Variants in USH2A observed in about 807,000 individuals in gnomAD.
The protein encoded by USH2A is usherin.
A neutral mutation model predicts 538.9 loss-of-function variants in USH2A; 443 were observed. That is an observed-to-expected ratio of 0.82 (90% CI 0.76 to 0.89). USH2A has a LOEUF of 0.89. USH2A is among the 40% of genes least tolerant of loss of function. The pLI, the probability that USH2A is intolerant of heterozygous loss-of-function variation, is 0.00. For missense variants in USH2A, 6,633 were observed against 6,324.8 expected, an observed-to-expected ratio of 1.05 and a Z score of -1.65; for synonymous variants, 2,413 against 2,273.5, an observed-to-expected ratio of 1.06 and a Z score of -1.75.
intron 45 of USH2A, among the ~76,000 whole-genome samples, chr1:215,844,867 T>G (rs1169470139): frequency 2.0e-5 from 3 of 152,166 alleles, no homozygotes; most frequent in African/African-American, 7.2e-5. Context: ...GGAAATAAAA[T>G]TTGCTCCTTG....
At chr1:215,808,002 C>G (rs1662551074) in intron 49 of USH2A, among the ~76,000 whole-genome samples, 1 of 152,112 alleles carries the variant, frequency 6.6e-6, no homozygotes, top group South Asian at 2.1e-4. Flanking sequence ...TAATGAAGGT[C>G]AAACAACTAA....
intron 38 of USH2A, among the ~76,000 whole-genome samples, chr1:215,925,580 A>G (rs1666218216): frequency 6.6e-6 from 1 of 152,148 alleles, no homozygotes; most frequent in Non-Finnish European, 1.5e-5. Flanking sequence ...ATTCCTCACC[A>G]TCCTGTATCT....
chr1:215,953,894 G>T (rs1666995189), intron 37 of USH2A, among the ~76,000 whole-genome samples: 1 of 152,060 alleles, frequency 6.6e-6, no homozygotes, highest in Non-Finnish European at 1.5e-5. Context: ...CCATCAAAAA[G>T]TGGGCAAAGG....
intron 44 of USH2A, among the ~76,000 whole-genome samples, chr1:215,863,453 A>T (rs1005901997): frequency 1.4e-4 from 21 of 152,240 alleles, no homozygotes; most frequent in African/African-American, 4.8e-4. Context: ...AGGCAAAGTC[A>T]GATATACTTC....
Position 215,782,139 on chromosome 1 carries a change from G to A in USH2A, c.10643C>T (p.Ser3548Leu), listed in dbSNP as rs778196484. The change falls in exon 54 of 72, where the codon TCA becomes TTA. Residue 3548 changes from serine to leucine, a missense_variant. By Grantham distance (145) the Ser-to-Leu change is moderately radical. Coordinates refer to ENST00000307340, the MANE Select transcript of USH2A (RefSeq NM_206933.4). ...TCCCTCTTTATCAGAGAAGCTCAGT[G>A]ATGTTCCCCGAAAACGTTCAATTCC... The part of the protein sequence containing the change: ...RNGIERFRGT[S>L]LSFSDKEGIQ... The A allele has an allele frequency of 1.2e-5, 20 of 1,613,966 alleles. No homozygotes were observed. The highest frequency in any genetic ancestry group is 1.6e-5 in the Non-Finnish European group (19 of 1,179,886).
At chr1:216,380,025 A>C (rs953294960) in intron 3 of USH2A, among the ~76,000 whole-genome samples, 3 of 152,238 alleles carry the variant, frequency 2.0e-5, no homozygotes, top group Non-Finnish European at 4.4e-5. Flanking sequence ...AAGCACTGTC[A>C]TTTAAAACTG....
intron 44 of USH2A, among the ~76,000 whole-genome samples, chr1:215,856,834 TGTGTGTGTGTG>T (rs2102430824): frequency 2.4e-5 from 1 of 42,242 alleles, no homozygotes; most frequent in African/African-American, 2.0e-4. Flanking sequence ...AAAAATTTGG[TGTGTGTGTGTG>T]TGTGTGTGTG....
intron 31 of USH2A, among the ~76,000 whole-genome samples, chr1:216,048,154 C>A (rs1416455756): frequency 6.6e-6 from 1 of 152,192 alleles, no homozygotes; most frequent in African/African-American, 2.4e-5. Flanking sequence ...TTCTCAATTT[C>A]ATACTGTGCC....
At chr1:215,882,202 C>A (rs575341305) in intron 41 of USH2A, among the ~76,000 whole-genome samples, 25 of 152,274 alleles carry the variant, frequency 1.6e-4, no homozygotes, top group Middle Eastern at 3.4e-3. Context: ...CATCTCCAGG[C>A]CTCGGAACCC....
intron 11 of USH2A, among the ~76,000 whole-genome samples, chr1:216,271,323 A>G (rs1228961847): frequency 6.6e-6 from 1 of 152,120 alleles, no homozygotes; most frequent in Non-Finnish European, 1.5e-5. Flanking sequence ...TTTGCACATC[A>G]AACATCCCGT....
intron 47 of USH2A, among the ~76,000 whole-genome samples, chr1:215,836,508 A>ATATATAT (rs1663514612): frequency 6.8e-5 from 2 of 29,492 alleles, no homozygotes; most frequent in African/African-American, 1.2e-4. Context: ...AATATATATT[A>ATATATAT]TATATATATA....
At chr1:216,172,681 T>TAA (rs935941992) in intron 21 of USH2A, among the ~76,000 whole-genome samples, 1 of 151,266 alleles carries the variant, frequency 6.6e-6, no homozygotes, top group Non-Finnish European at 1.5e-5. Flanking sequence ...TAATTGCTAT[T>TAA]AAAAAAAAAC....
At chr1:216,216,586 C>T (rs577647667) in intron 15 of USH2A, among the ~76,000 whole-genome samples, 1 of 152,054 alleles carries the variant, frequency 6.6e-6, no homozygotes, top group Non-Finnish European at 1.5e-5. Flanking sequence ...GTAGAGGGCT[C>T]CTACCACATG....
intron 9 of USH2A, among the ~76,000 whole-genome samples, chr1:216,301,249 T>G (rs1393076621): frequency 1.3e-5 from 2 of 152,148 alleles, no homozygotes; most frequent in Non-Finnish European, 2.9e-5. Context: ...ATATATGAAG[T>G]CCTTGCAAAA....
chr1:215,736,846 A>G (rs534706768), intron 60 of USH2A, among the ~76,000 whole-genome samples: 85 of 152,140 alleles, frequency 5.6e-4, no homozygotes, highest in African/African-American at 2.0e-3. Flanking sequence ...CTGTATTAAA[A>G]GATTTCAGAA....
Position 215,965,421 on chromosome 1 carries a change from G to A in USH2A, c.7016C>T (p.Thr2339Ile). ...PEGTVNVFVK[T>I]QGSRKAHVRW... is the part of the protein sequence containing the mutation. ...CACGTGGGCTTTCCGGGATCCCTGT[G>A]TTTTGACAAACACATTTACTGTTCC... is the stretch of plus-strand genomic sequence containing the variant. Residue 2339 changes from threonine (T) to isoleucine (I), a missense_variant, in exon 37 of 72, where the codon ACA becomes ATA. Physicochemically the swap from Thr to Ile is moderately conservative, Grantham distance 89 (BLOSUM62 -1). Coordinates refer to ENST00000307340, the MANE Select transcript of USH2A (RefSeq NM_206933.4). 1 of 1,613,810 alleles carries A rather than the reference G, an allele frequency of 6.2e-7. No individual in the cohort carries two copies. Among genetic ancestry groups the A allele is most frequent in the Non-Finnish European group, 8.5e-7 (1 of 1,179,792 alleles).
At chr1:215,829,163 T>C (rs1165116086) in intron 47 of USH2A, among the ~76,000 whole-genome samples, 5 of 152,168 alleles carry the variant, frequency 3.3e-5, no homozygotes. Flanking sequence ...GTATGGAAAA[T>C]GCAATGTAGA....
rs1478642346 is a variant in USH2A at position 215,628,864 on chromosome 1, A to G, written c.15469T>C (p.Leu5157=). The G allele has an allele frequency of 2.5e-6, 4 of 1,614,066 alleles. No individual in the cohort carries two copies. Among genetic ancestry groups the G allele is most frequent in the Non-Finnish European group, 3.4e-6 (4 of 1,180,044 alleles). The change falls in exon 71 of 72, where the codon TTG becomes CTG. Residue 5157 remains leucine (L), a synonymous_variant. Transcript: ENST00000307340. ...GCTTCCCACAGTGAGTTGTCCATCAAGACTTTCTTGTCTTGAATGTCCATG... is the reference window on the plus strand; with the variant it reads ...GCTTCCCACAGTGAGTTGTCCATCAGGACTTTCTTGTCTTGAATGTCCATG... ...QLMDIQDKKV[L]MDNSLWEAIM... is the part of the protein sequence containing the mutation.
intron 3 of USH2A, among the ~76,000 whole-genome samples, chr1:216,376,678 CT>C (rs923264560): frequency 6.6e-6 from 1 of 152,106 alleles, no homozygotes; most frequent in African/African-American, 2.4e-5. Context: ...TCTGTTTATA[CT>C]TCCAGGGAAT....
Sources: allele counts gnomAD v4.1 joint callset (sites outside exome capture counted in the v4.1 genomes callset), GRCh38; gene constraint gnomAD v4.1.1; transcripts MANE v1.5; gene names NCBI Gene and HGNC (gene_info 2026-07-23, HGNC 2026-07-21).